ESRRG: variants seen among roughly 807,000 people sequenced by gnomAD.
ESRRG encodes estrogen related receptor gamma.
A neutral mutation model predicts 44.0 loss-of-function variants in ESRRG; 13 were observed. The ratio of observed to expected loss-of-function variants is 0.30; its 90% CI spans 0.19 to 0.47. The LOEUF is 0.47. Among genes scored for constraint, ESRRG ranks in the 20% least tolerant of loss-of-function variants. ESRRG has a pLI of 1.00. For synonymous variants in ESRRG, 215 were observed against 214.6 expected, an observed-to-expected ratio of 1.00 and a Z score of -0.02; for missense variants, 395 against 580.6, an observed-to-expected ratio of 0.68 and a Z score of 3.29.
At chr1:216,974,276 T>A (rs1457222089) in intron 1 of ESRRG, among the ~76,000 whole-genome samples, 5 of 152,138 alleles carry the variant, frequency 3.3e-5, no homozygotes, top group Non-Finnish European at 7.4e-5. Context: ...GTGACAGACA[T>A]CCCAATTACC....
At chr1:216,600,098 C>A (rs1475770976) in intron 3 of ESRRG, among the ~76,000 whole-genome samples, 1 of 152,142 alleles carries the variant, frequency 6.6e-6, no homozygotes, top group East Asian at 1.9e-4. Flanking sequence ...CGGAAGCAGT[C>A]CATGAGGAAA....
chr1:216,875,308 C>T (rs985158174), intron 2 of ESRRG, among the ~76,000 whole-genome samples: 5 of 152,146 alleles, frequency 3.3e-5, no homozygotes, highest in African/African-American at 1.2e-4. Flanking sequence ...AAAGTGAACA[C>T]ACTTTTTATC....
At chr1:216,743,373 G>T (rs1281001910) in intron 2 of ESRRG, among the ~76,000 whole-genome samples, 1 of 152,146 alleles carries the variant, frequency 6.6e-6, no homozygotes, top group Non-Finnish European at 1.5e-5. Flanking sequence ...ATCATGGAGA[G>T]AACCCTGGAA....
chr1:216,664,252 G>A (rs1173652374), intron 2 of ESRRG, among the ~76,000 whole-genome samples: 2 of 152,022 alleles, frequency 1.3e-5, no homozygotes, highest in African/African-American at 4.8e-5. Flanking sequence ...CAAGATTTCG[G>A]GGACCCAGTT....
chr1:216,937,225 T>TA (rs1256324756), intron 2 of ESRRG, among the ~76,000 whole-genome samples: 1 of 148,566 alleles, frequency 6.7e-6, no homozygotes, highest in Admixed American at 6.7e-5. Context: ...ATGGAAACAA[T>TA]AAAAATAGTC....
chr1:216,698,539 A>AAC (rs1031928375), intron 1 of ESRRG, among the ~76,000 whole-genome samples: 1 of 151,436 alleles, frequency 6.6e-6, no homozygotes, highest in Non-Finnish European at 1.5e-5. Context: ...AAAAAAAAAA[A>AAC]AATTTGCAAG....
At chr1:216,685,675 A>G (rs2077810589) in intron 1 of ESRRG, among the ~76,000 whole-genome samples, 1 of 152,242 alleles carries the variant, frequency 6.6e-6, no homozygotes, top group South Asian at 2.1e-4. Context: ...AATCAAATCG[A>G]GGTCAATGAA....
chr1:216,708,363 T>C (rs1050542124), intron 1 of ESRRG, among the ~76,000 whole-genome samples: 4 of 152,196 alleles, frequency 2.6e-5, no homozygotes, highest in Non-Finnish European at 5.9e-5. Flanking sequence ...ATTTTTTACA[T>C]TTCAATAGTA....
intron 3 of ESRRG, among the ~76,000 whole-genome samples, chr1:216,633,365 T>C (rs1198728037): frequency 2.0e-5 from 3 of 152,200 alleles, no homozygotes; most frequent in Non-Finnish European, 4.4e-5. Context: ...AGGTGCAACC[T>C]GGACACTTTC....
At chr1:216,644,357 A>T (rs1052891661) in intron 3 of ESRRG, among the ~76,000 whole-genome samples, 2 of 151,852 alleles carry the variant, frequency 1.3e-5, no homozygotes, top group African/African-American at 4.8e-5. Context: ...ACTTCTACAA[A>T]GTGGAGAAAA....
intron 2 of ESRRG, among the ~76,000 whole-genome samples, chr1:216,820,574 A>C (rs1231223522): frequency 6.6e-6 from 1 of 152,180 alleles, no homozygotes; most frequent in African/African-American, 2.4e-5. Context: ...TCATTCAAAA[A>C]TTCAGGAGTG....
chr1:217,133,913 G>A (rs1011415795), intron 1 of ESRRG, among the ~76,000 whole-genome samples: 1 of 151,990 alleles, frequency 6.6e-6, no homozygotes, highest in Non-Finnish European at 1.5e-5. Flanking sequence ...AACATTTAGA[G>A]GTCAGAGCCA....
chr1:216,735,190 G>T (rs1255048475), intron 2 of ESRRG, among the ~76,000 whole-genome samples: 1 of 151,134 alleles, frequency 6.6e-6, no homozygotes, highest in Non-Finnish European at 1.5e-5. Context: ...TTACAGGCAT[G>T]AGCCACCATG....
At chr1:216,839,822 T>G (rs2095623826) in intron 2 of ESRRG, among the ~76,000 whole-genome samples, 1 of 152,194 alleles carries the variant, frequency 6.6e-6, no homozygotes, top group African/African-American at 2.4e-5. Context: ...AAAATGAATC[T>G]TTATTTCTGA....
intron 1 of ESRRG, among the ~76,000 whole-genome samples, chr1:217,068,430 C>G (rs977720026): frequency 6.6e-6 from 1 of 151,802 alleles, no homozygotes; most frequent in South Asian, 2.1e-4. Context: ...CCAGTCCTCT[C>G]CTGCACCAAC....
chr1:216,800,938 G>T (rs546292130), intron 2 of ESRRG, among the ~76,000 whole-genome samples: 2 of 152,146 alleles, frequency 1.3e-5, no homozygotes, highest in Non-Finnish European at 1.5e-5. Flanking sequence ...TCATTTAATT[G>T]ATTGTGTGGT....
rs568440248 is a variant in ESRRG, at chr1:216,752,086, G to A, written c.-13-74595C>T. Reference sequence around the variant, plus strand: ...AAGAAAATAGATGTTTTCATTCTAAGCTCACTTGGCCTTTTAAACCTAGAA... The same window carrying A: ...AAGAAAATAGATGTTTTCATTCTAAACTCACTTGGCCTTTTAAACCTAGAA... On this transcript the variant is annotated intron_variant, in intron 2 of 7. Transcript: ENST00000359162. Among the ~76,000 whole-genome samples the A allele has an allele frequency of 2.0e-5, 3 of 152,180 alleles. No homozygotes were observed. The East Asian group carries it at 5.8e-4, about 29-fold the overall frequency.
chr1:216,539,114 G>T (rs916918158), intron 5 of ESRRG, among the ~76,000 whole-genome samples: 2 of 151,990 alleles, frequency 1.3e-5, no homozygotes, highest in Non-Finnish European at 2.9e-5. Flanking sequence ...GACCATTCTA[G>T]TTGTATAAAT....
intron 3 of ESRRG, among the ~76,000 whole-genome samples, chr1:216,605,972 G>T (rs1390887391): frequency 1.3e-5 from 2 of 151,902 alleles, no homozygotes; most frequent in Non-Finnish European, 2.9e-5. Context: ...TGCTGCCCCT[G>T]CTCGCCTTCT....
Sources: gnomAD v4.1 joint callset for allele counts (sites outside exome capture counted in the v4.1 genomes callset) on GRCh38, gnomAD v4.1.1 for gene constraint, MANE v1.5 for transcripts, NCBI Gene and HGNC (gene_info 2026-07-23, HGNC 2026-07-21) for gene names.